Variants in DCLK1 observed in about 807,000 individuals in gnomAD.
DCLK1 encodes doublecortin like kinase 1.
A neutral mutation model predicts 86.2 loss-of-function variants in DCLK1; 16 were observed. The ratio of observed to expected loss-of-function variants is 0.19; its 90% CI spans 0.13 to 0.28. The LOEUF is 0.28. Among genes scored for constraint, DCLK1 ranks in the 10% least tolerant of loss-of-function variants. DCLK1 has a pLI of 1.00. For synonymous variants in DCLK1, 369 were observed against 370.5 expected, an observed-to-expected ratio of 1.00 and a Z score of 0.05; for missense variants, 590 against 940.2, an observed-to-expected ratio of 0.63 and a Z score of 4.87.
intron 2 of DCLK1, among the ~76,000 whole-genome samples, chr13:36,114,708 G>A (rs1885721687): frequency 6.6e-6 from 1 of 152,202 alleles, no homozygotes; most frequent in African/African-American, 2.4e-5. Flanking sequence ...CACAAGAGAT[G>A]TGGTTCCCGC....
In DCLK1 at chr13:36,079,142, T is replaced by C. The variant is rs183908248; in HGVS notation, c.723+32727A>G. Among the ~76,000 whole-genome samples the C allele has an allele frequency of 4.9e-3, 752 of 152,294 alleles. 4 individuals carry two copies. Among genetic ancestry groups the C allele is most frequent in the African/African-American group, 0.017 (712 of 41,556 alleles). On this transcript the variant is annotated intron_variant, in intron 3 of 16. Transcript: ENST00000360631. ...GGCGGTTGTGGAAATGCCTAGAATG[T>C]TACTCTGCAAGGTCACAGTAGATCA...
At position 36,130,929 on chromosome 13, in the gene DCLK1, C is replaced by G. The variant is rs1191761594; in HGVS notation, c.-20+185G>C. Among the ~76,000 whole-genome samples, 3 of 152,072 alleles carry G rather than the reference C, an allele frequency of 2.0e-5. No individual in the cohort carries two copies. In the South Asian group the frequency reaches 6.2e-4, roughly 31 times the overall value. ...CGGGGCCGCCCGCACGCAACGCCCC[C>G]GGGTCGGGCCAGGCTGGCCAGGGCA... On this transcript the variant is annotated intron_variant, in intron 1 of 16. Transcript: ENST00000360631.
chr13:36,096,430 T>C (rs780163544), intron 3 of DCLK1, among the ~76,000 whole-genome samples: 7 of 152,252 alleles, frequency 4.6e-5, no homozygotes, highest in Non-Finnish European at 1.0e-4. Context: ...TTTTCAATGA[T>C]GGTTCAGTGA....
chr13:35,899,888 T>C (rs1874243538), intron 4 of DCLK1, among the ~76,000 whole-genome samples: 2 of 152,236 alleles, frequency 1.3e-5, no homozygotes, highest in African/African-American at 2.4e-5. Flanking sequence ...ACACGCTGTT[T>C]CTAAATTAAA....
rs74374871 is a variant in DCLK1 at position 35,843,050 on chromosome 13, G to T, written c.1036-3874C>A. Among the ~76,000 whole-genome samples the T allele has an allele frequency of 4.9e-3, 748 of 152,270 alleles. 32 individuals carry two copies. The East Asian group carries it at 0.11, about 23-fold the overall frequency. On this transcript the variant is annotated intron_variant, in intron 6 of 16. Transcript: ENST00000360631. ...AGAATTAACTTAATGAGATTAACCAGCCTTTGTTTACAACCAACGGATGCT... is the reference window on the plus strand; with the variant it reads ...AGAATTAACTTAATGAGATTAACCATCCTTTGTTTACAACCAACGGATGCT...
At chr13:35,976,157 T>G (rs1879317265) in intron 3 of DCLK1, among the ~76,000 whole-genome samples, 1 of 152,252 alleles carries the variant, frequency 6.6e-6, no homozygotes, top group East Asian at 1.9e-4. Flanking sequence ...GGGTTCTTTT[T>G]CAAAGCATTG....
chr13:35,914,333 AT>A (rs1425485045), intron 4 of DCLK1, among the ~76,000 whole-genome samples: 725 of 32,854 alleles, frequency 0.022, 14 homozygotes, highest in African/African-American at 0.049. Flanking sequence ...AAAAAAAAAA[AT>A]ATATATATAT....
At chr13:35,978,923 G>C (rs1194651194) in intron 3 of DCLK1, among the ~76,000 whole-genome samples, 1 of 152,176 alleles carries the variant, frequency 6.6e-6, no homozygotes, top group African/African-American at 2.4e-5. Flanking sequence ...TTACTAGTAA[G>C]AGTAATAACC....
rs754265976 is a variant in DCLK1 at position 35,836,135 on chromosome 13, G to A, written c.1127C>T (p.Ser376Leu). 20 of 1,610,082 alleles carry A rather than the reference G, an allele frequency of 1.2e-5. No homozygotes were observed. The highest frequency in any genetic ancestry group is 1.0e-4 in the South Asian group (9 of 90,052). ...AGCTGGAATCTGGAAGCCTTCCTCC[G>A]ACACTTCTGAAAGAATCATTAATAC... The part of the protein sequence containing the change: ...DENDGPGEEV[S>L]EEGFQIPATI... The change falls in exon 8 of 17, where the codon TCG (serine) becomes TTG (leucine). Residue 376 changes from serine (S) to leucine (L), a missense_variant. Ser to Leu is a moderately radical substitution (Grantham distance 145). Around this residue, in one of 6 missense-constraint regions of DCLK1, gnomAD observed 108 missense variants for 195.7 expected, o/e 0.55. Transcript: ENST00000360631.
intron 5 of DCLK1, among the ~76,000 whole-genome samples, chr13:35,860,236 A>G (rs544573812): frequency 6.6e-6 from 1 of 151,326 alleles, no homozygotes; most frequent in African/African-American, 2.4e-5. Flanking sequence ...ATCATGGTGT[A>G]GGCTGTTCAT....
intron 4 of DCLK1, among the ~76,000 whole-genome samples, chr13:35,911,936 T>C (rs1875061532): frequency 6.6e-6 from 1 of 152,146 alleles, no homozygotes; most frequent in Admixed American, 6.5e-5. Context: ...CCCTTGGCCC[T>C]TCCATCATAG....
chr13:35,971,940 TAATA>T lies in DCLK1; in HGVS notation c.724-24487_724-24484del, dbSNP rs200206779. 6.0e-3 allele frequency among the ~76,000 whole-genome samples: 914 copies of T among 152,316 alleles called. 15 individuals are homozygous for T. The highest frequency in any genetic ancestry group is 0.021 in the African/African-American group (875 of 41,572). On this transcript the variant is annotated intron_variant, in intron 3 of 16. Transcript: ENST00000360631. Reference sequence around the variant, plus strand: ...CAAATAATTCCTGTCTTCTACCAGCTAATAATCCTATCTTGGACTTCCTTTCTAC... The same window carrying T: ...CAAATAATTCCTGTCTTCTACCAGCTATCCTATCTTGGACTTCCTTTCTAC...
chr13:36,015,920 A>G (rs752978956), intron 3 of DCLK1, among the ~76,000 whole-genome samples: 6 of 152,218 alleles, frequency 3.9e-5, no homozygotes, highest in African/African-American at 1.4e-4. Flanking sequence ...CACTTCTGCA[A>G]ATCCAAGCAT....
chr13:35,865,864 G>A (rs1454906758), intron 5 of DCLK1, among the ~76,000 whole-genome samples: 4 of 152,208 alleles, frequency 2.6e-5, no homozygotes, highest in Admixed American at 6.5e-5. Context: ...ACATCAGGAA[G>A]TTGGGGTAAA....
chr13:35,957,587 G>C (rs1444357562), intron 3 of DCLK1, among the ~76,000 whole-genome samples: 1 of 152,118 alleles, frequency 6.6e-6, no homozygotes, highest in East Asian at 1.9e-4. Flanking sequence ...ATATTTGAGA[G>C]CTAAAAACAT....
intron 2 of DCLK1, among the ~76,000 whole-genome samples, chr13:36,120,452 G>GTAGCCTAGGAACAATAGGCTATACCATA (rs1885945909): frequency 6.6e-6 from 1 of 152,130 alleles, no homozygotes; most frequent in Non-Finnish European, 1.5e-5. Context: ...GTACAGGTTT[G>GTAGCCTAGGAACAATAGGCTATACCATA]TAGCCTAGGA....
intron 6 of DCLK1, among the ~76,000 whole-genome samples, chr13:35,853,593 A>C (rs1205130348): frequency 3.3e-5 from 5 of 152,182 alleles, no homozygotes; most frequent in Non-Finnish European, 5.9e-5. Flanking sequence ...TGGAACTCAG[A>C]AGTTTTGTTT....
chr13:35,771,603 C>T lies in DCLK1; in HGVS notation c.*2932G>A, dbSNP rs1377070732. 1 of 152,126 alleles carries T rather than the reference C, an allele frequency of 6.6e-6. No homozygotes were observed. The highest frequency in any genetic ancestry group is 1.9e-4 in the East Asian group (1 of 5,194). The allele number at this position is 152,126 out of a possible 1,614,324, so 9.4% of individuals were successfully genotyped here. On this transcript the variant is annotated 3_prime_UTR_variant, in exon 17 of 17. Transcript: ENST00000360631. ...GATGCAAGTAATGAAAGAGTTCTTCCTTAACTAGTCTACTATCAAACTGAA... is the reference window on the plus strand; with the variant it reads ...GATGCAAGTAATGAAAGAGTTCTTCTTTAACTAGTCTACTATCAAACTGAA...
At chr13:35,855,998 G>T in intron 5 of DCLK1, 1 of 404,006 alleles carries the variant, frequency 2.5e-6, no homozygotes, top group Non-Finnish European at 3.4e-6. Flanking sequence ...TTGATTTTTC[G>T]CACTTGATGT....
Sources: allele counts gnomAD v4.1 joint callset (sites outside exome capture counted in the v4.1 genomes callset), GRCh38; gene constraint gnomAD v4.1.1; regional missense constraint gnomAD v4.1.1; transcripts MANE v1.5; gene names NCBI Gene and HGNC (gene_info 2026-07-23, HGNC 2026-07-21).